ATP11A: variants seen among roughly 807,000 people sequenced by gnomAD.
ATP11A encodes phospholipid-transporting ATPase IH.
A neutral mutation model predicts 154.4 loss-of-function variants in ATP11A; 81 were observed. The observed-to-expected ratio is 0.52, with a 90% confidence interval of 0.44 to 0.63. ATP11A has a LOEUF of 0.63. ATP11A is among the 30% of genes least tolerant of loss of function. The pLI, the probability that ATP11A is intolerant of heterozygous loss-of-function variation, is 0.00. For missense variants in ATP11A, 1,316 were observed against 1,474.3 expected, an observed-to-expected ratio of 0.89 and a Z score of 1.76; for synonymous variants, 623 against 585.9, an observed-to-expected ratio of 1.06 and a Z score of -0.91.
Position 112,859,727 on chromosome 13 carries a change from G to A in ATP11A, c.2727+275G>A, listed in dbSNP as rs1373255849. Among the ~76,000 whole-genome samples the A allele has an allele frequency of 6.6e-6, 1 of 152,174 alleles. No homozygotes were observed. The highest frequency in any genetic ancestry group is 2.4e-5 in the African/African-American group (1 of 41,432). On this transcript the variant is annotated intron_variant, in intron 23 of 29. Transcript: ENST00000375645. The surrounding 1 kb of genome is among the most constrained non-coding windows in gnomAD (Gnocchi z 4.3). ...GCCAGTGATGATGTGGTCTCCTCAGGGCCCAGCAGTGCTGGGCTGGGCATC... is the reference window on the plus strand; with the variant it reads ...GCCAGTGATGATGTGGTCTCCTCAGAGCCCAGCAGTGCTGGGCTGGGCATC...
intron 17 of ATP11A, among the ~76,000 whole-genome samples, chr13:112,847,075 G>T (rs2079630534): frequency 6.6e-6 from 1 of 152,206 alleles, no homozygotes; most frequent in Non-Finnish European, 1.5e-5. Flanking sequence ...ACCCAGGTCT[G>T]CCCCATAACT....
chr13:112,857,176 C>T (rs370205771), intron 20 of ATP11A, among the ~76,000 whole-genome samples: 13 of 152,166 alleles, frequency 8.5e-5, no homozygotes, highest in African/African-American at 2.9e-4. Flanking sequence ...AACAAGAAGG[C>T]ACCCACGTTT....
Position 112,825,537 on chromosome 13 carries a change from C to T in ATP11A, c.980C>T (p.Pro327Leu), listed in dbSNP as rs866411463. Reference protein sequence around the residue: ...MWQSEPFRDEPWYNQKTESER... With the variant: ...MWQSEPFRDELWYNQKTESER... The stretch of plus-strand genomic sequence containing the variant: ...CAGAGTGAGCCCTTTCGGGATGAGC[C>T]GTGGTATAATCAGAAAACGGAGTCG... The change falls in exon 11 of 30, where the codon CCG becomes CTG. Residue 327 changes from proline (P) to leucine (L), a missense_variant. Physicochemically the swap from Pro to Leu is moderately conservative, Grantham distance 98 (BLOSUM62 -3). Coordinates refer to ENST00000375645, the MANE Select transcript of ATP11A (RefSeq NM_015205.3). 3.1e-6 allele frequency: 5 copies of T among 1,613,694 alleles called. No homozygotes were observed. The African/African-American group carries it at 5.3e-5, about 17-fold the overall frequency.
chr13:112,773,554 G>T (rs2077275584), intron 1 of ATP11A, among the ~76,000 whole-genome samples: 1 of 152,198 alleles, frequency 6.6e-6, no homozygotes, highest in Non-Finnish European at 1.5e-5. Context: ...TGAACCTCTG[G>T]GAAGCTGTAG....
Position 112,859,700 on chromosome 13 carries a change from G to A in ATP11A, c.2727+248G>A, listed in dbSNP as rs57337881. Among the ~76,000 whole-genome samples the A allele has an allele frequency of 0.053, 8,144 of 152,262 alleles. 628 individuals carry two copies. The highest frequency in any genetic ancestry group is 0.17 in the African/African-American group (7,121 of 41,532). ...TGAAACTGCCGTGGCCCTGAGATGC[G>A]GGCCAGTGATGATGTGGTCTCCTCA... On this transcript the variant is annotated intron_variant, in intron 23 of 29. Coordinates refer to ENST00000375645, the MANE Select transcript of ATP11A (RefSeq NM_015205.3). The surrounding 1 kb of genome is among the most constrained non-coding windows in gnomAD (Gnocchi z 4.3).
Position 112,697,364 on chromosome 13 carries a change from G to A in ATP11A, c.39+6909G>A, listed in dbSNP as rs1479413239. 1.3e-5 allele frequency among the ~76,000 whole-genome samples: 2 copies of A among 151,990 alleles called. No individual in the cohort carries two copies. Among genetic ancestry groups the A allele is most frequent in the Non-Finnish European group, 2.9e-5 (2 of 67,974 alleles). ...CACCCGTGTGCCTAGAACGTTCCTGGCACAGAAAAGCCACGCAGAAAACAG... is the reference window on the plus strand; with the variant it reads ...CACCCGTGTGCCTAGAACGTTCCTGACACAGAAAAGCCACGCAGAAAACAG... On this transcript the variant is annotated intron_variant, in intron 1 of 29. Coordinates refer to ENST00000375645, the MANE Select transcript of ATP11A (RefSeq NM_015205.3). This position sits in a 1 kb window ranked among gnomAD's most constrained non-coding sequence, Gnocchi z 4.0.
At chr13:112,701,780 A>C (rs1886571972) in intron 1 of ATP11A, among the ~76,000 whole-genome samples, 1 of 151,674 alleles carries the variant, frequency 6.6e-6, no homozygotes, top group Non-Finnish European at 1.5e-5. Flanking sequence ...TTGCAGTGAG[A>C]GGAGATCGCG....
At chr13:112,725,140 C>T (rs1177023173) in intron 1 of ATP11A, among the ~76,000 whole-genome samples, 1 of 152,200 alleles carries the variant, frequency 6.6e-6, no homozygotes. Context: ...CAACCCTGTT[C>T]TGAGTCACAA....
At chr13:112,880,033 G>A (rs2080839044) in intron 29 of ATP11A, among the ~76,000 whole-genome samples, 2 of 152,196 alleles carry the variant, frequency 1.3e-5, no homozygotes, top group African/African-American at 2.4e-5. Context: ...GTGCAATTGT[G>A]CAATTCCAAG....
At position 112,863,838 on chromosome 13, in the gene ATP11A, C is replaced by A. The variant is rs113014625; in HGVS notation, c.2991+1263C>A. On this transcript the variant is annotated intron_variant, in intron 25 of 29. Transcript: ENST00000375645. ...GCTTCTCAGCGGGGTCCATCACCAC[C>A]TGCGCAGTAATTCAGTGCGGCCCAT... 1.6e-4 allele frequency among the ~76,000 whole-genome samples: 10 copies of A among 62,766 alleles called. No individual in the cohort carries two copies. In the East Asian group the frequency reaches 1.6e-3, roughly 10 times the overall value. 41.2% of individuals were successfully genotyped at this position (62,766 alleles called of 152,430 possible). A position where few individuals can be genotyped will look rare whatever the true frequency, so the allele number is the denominator to read the frequency against.
At chr13:112,759,210 T>G (rs537987257) in intron 1 of ATP11A, among the ~76,000 whole-genome samples, 3 of 152,202 alleles carry the variant, frequency 2.0e-5, no homozygotes, top group Non-Finnish European at 4.4e-5. Context: ...CTGGGGGAGC[T>G]CTGGGTAACT....
At chr13:112,853,021 G>C (rs1205097987) in intron 18 of ATP11A, among the ~76,000 whole-genome samples, 1 of 152,090 alleles carries the variant, frequency 6.6e-6, no homozygotes, top group Non-Finnish European at 1.5e-5. Context: ...AGGAGTTTGA[G>C]CCCAGCCTGG....
At chr13:112,868,114 G>C (rs145123203) in intron 25 of ATP11A, among the ~76,000 whole-genome samples, 24 of 152,358 alleles carry the variant, frequency 1.6e-4, no homozygotes, top group Non-Finnish European at 3.5e-4. Context: ...AGAATGCGAA[G>C]ACAACAGTTA....
chr13:112,869,676 T>C (rs4907552), intron 25 of ATP11A, among the ~76,000 whole-genome samples: 59,560 of 152,088 alleles, frequency 0.39, 11,866 homozygotes, highest in Middle Eastern at 0.46. Context: ...TGTGGTTGTC[T>C]GGGTGCAAAG....
intron 1 of ATP11A, among the ~76,000 whole-genome samples, chr13:112,723,764 T>G (rs535980918): frequency 1.3e-5 from 2 of 152,184 alleles, no homozygotes; most frequent in East Asian, 3.9e-4. Context: ...GCTTAGGATT[T>G]TATTTTTAGT....
At chr13:112,709,253 C>T (rs576617503) in intron 1 of ATP11A, among the ~76,000 whole-genome samples, 1 of 152,288 alleles carries the variant, frequency 6.6e-6, no homozygotes, top group African/African-American at 2.4e-5. Context: ...TTATTTAACC[C>T]TGTATATCAT....
intron 1 of ATP11A, among the ~76,000 whole-genome samples, chr13:112,742,110 A>T (rs1891627521): frequency 6.6e-6 from 1 of 152,128 alleles, no homozygotes; most frequent in African/African-American, 2.4e-5. Context: ...GGGTGAACGC[A>T]TTGTCCACAG....
At chr13:112,824,446 G>A (rs757402118) in intron 10 of ATP11A, 21 bp downstream of exon 10, 1 of 1,609,302 alleles carries the variant, frequency 6.2e-7, no homozygotes, top group Admixed American at 1.7e-5. Flanking sequence ...ATGCGCGTGA[G>A]AACCTGCAAC....
intron 1 of ATP11A, among the ~76,000 whole-genome samples, chr13:112,712,765 T>C (rs571272818): frequency 1.5e-3 from 235 of 152,316 alleles, no homozygotes; most frequent in African/African-American, 4.7e-3. Context: ...CTCTGCCTTT[T>C]CTTATGTCCA....
Sources: gnomAD v4.1 joint callset for allele counts (sites outside exome capture counted in the v4.1 genomes callset) on GRCh38, gnomAD v4.1.1 for gene constraint, Gnocchi (gnomAD v3.1) non-coding constraint, MANE v1.5 for transcripts, NCBI Gene and HGNC (gene_info 2026-07-23, HGNC 2026-07-21) for gene names.